Variants in SLC71A2 observed in about 807,000 individuals in gnomAD.
The protein encoded by SLC71A2 is solute carrier family 71 member 2, also known as hippocampus abundant transcript-like 1.
the SLC71A2 span, chr9:94,459,573 T>C: frequency 4.8e-5 from 2 of 41,878 alleles, no homozygotes; most frequent in Non-Finnish European, 6.7e-5. Flanking sequence ...CCTCCTCCTG[T>C]TTTTTTTTTT....
At chr9:94,402,058 G>C in the SLC71A2 span, among the ~76,000 whole-genome samples, 1 of 152,156 alleles carries the variant, frequency 6.6e-6, no homozygotes, top group Non-Finnish European at 1.5e-5. Context: ...TCTCATTTCT[G>C]TCTTGTTTTT....
chr9:94,454,991 A>G, the SLC71A2 span, among the ~76,000 whole-genome samples: 1 of 152,052 alleles, frequency 6.6e-6, no homozygotes, highest in South Asian at 2.1e-4. Flanking sequence ...AGATGCAGAA[A>G]TGCCTTCTCC....
At chr9:94,408,472 G>T in the SLC71A2 span, among the ~76,000 whole-genome samples, 2 of 152,282 alleles carry the variant, frequency 1.3e-5, no homozygotes, top group African/African-American at 2.4e-5. Flanking sequence ...TTGGGAAGAG[G>T]TTTAATTCTT....
At chr9:94,382,645 A>G in the SLC71A2 span, among the ~76,000 whole-genome samples, 1 of 151,906 alleles carries the variant, frequency 6.6e-6, no homozygotes, top group Non-Finnish European at 1.5e-5. Flanking sequence ...CCCAAATCAT[A>G]GGAATTTCCT....
the SLC71A2 span, chr9:94,458,232 G>A: frequency 8.7e-7 from 1 of 1,144,398 alleles, no homozygotes; most frequent in South Asian, 1.6e-5. Context: ...CCGAATTAGT[G>A]TATCATGGTT....
the SLC71A2 span, among the ~76,000 whole-genome samples, chr9:94,445,788 CA>C: frequency 6.6e-6 from 1 of 151,948 alleles, no homozygotes; most frequent in Non-Finnish European, 1.5e-5. Flanking sequence ...AGTTTGTAGA[CA>C]AAAAAAGAAC....
At chr9:94,375,438 C>G in the SLC71A2 span, among the ~76,000 whole-genome samples, 1 of 151,496 alleles carries the variant, frequency 6.6e-6, no homozygotes, top group Non-Finnish European at 1.5e-5. Flanking sequence ...AGGCTGGCCT[C>G]TTTCTCCAGT....
At chr9:94,414,947 C>T in the SLC71A2 span, among the ~76,000 whole-genome samples, 2 of 152,138 alleles carry the variant, frequency 1.3e-5, no homozygotes, top group Non-Finnish European at 1.5e-5. Context: ...CTTGAGCCAC[C>T]ACACCCAACC....
At chr9:94,376,440 C>A in the SLC71A2 span, among the ~76,000 whole-genome samples, 2 of 152,020 alleles carry the variant, frequency 1.3e-5, no homozygotes, top group Non-Finnish European at 2.9e-5. Context: ...CCACCTTGCA[C>A]GTGGCTGAGT....
chr9:94,452,671 A>C, the SLC71A2 span, among the ~76,000 whole-genome samples: 1 of 54,100 alleles, frequency 1.8e-5, no homozygotes, highest in Non-Finnish European at 3.5e-5. Context: ...ATATATTCAT[A>C]TATATTCATA....
chr9:94,431,519 T>C, the SLC71A2 span, among the ~76,000 whole-genome samples: 15 of 151,744 alleles, frequency 9.9e-5, no homozygotes, highest in African/African-American at 3.6e-4. Flanking sequence ...TTGGGTACTT[T>C]TTTTTTTATA....
chr9:94,453,220 G>C, the SLC71A2 span, among the ~76,000 whole-genome samples: 2 of 148,736 alleles, frequency 1.3e-5, no homozygotes, highest in Non-Finnish European at 3.0e-5. Flanking sequence ...TATGATTTCG[G>C]CTCACTGCAA....
chr9:94,414,644 G>A, the SLC71A2 span, among the ~76,000 whole-genome samples: 2 of 152,088 alleles, frequency 1.3e-5, no homozygotes, highest in South Asian at 2.1e-4. Context: ...GCGTCGATGG[G>A]ATAGATCGAA....
At chr9:94,451,130 C>CA in the SLC71A2 span, among the ~76,000 whole-genome samples, 183 of 152,290 alleles carry the variant, frequency 1.2e-3, no homozygotes, top group Admixed American at 0.011. Context: ...CATCAAAAGT[C>CA]AGTCATTTTG....
the SLC71A2 span, chr9:94,447,071 G>T: frequency 1.8e-6 from 1 of 548,466 alleles, no homozygotes; most frequent in Non-Finnish European, 3.3e-6. Flanking sequence ...GTAGGTGCTG[G>T]CATATAATTA....
chr9:94,419,606 T>C, the SLC71A2 span, among the ~76,000 whole-genome samples: 1 of 152,062 alleles, frequency 6.6e-6, no homozygotes, highest in Non-Finnish European at 1.5e-5. Context: ...CACCCGGCCT[T>C]TTGTTTTTAT....
the SLC71A2 span, among the ~76,000 whole-genome samples, chr9:94,457,335 T>C: frequency 2.6e-5 from 4 of 152,310 alleles, no homozygotes; most frequent in African/African-American, 4.8e-5. Context: ...GCTCACCTTA[T>C]TGTATTCAGG....
At chr9:94,390,382 GTTGAA>G in the SLC71A2 span, among the ~76,000 whole-genome samples, 1 of 149,822 alleles carries the variant, frequency 6.7e-6, no homozygotes, top group Non-Finnish European at 1.5e-5. Context: ...CTTTTCATAT[GTTGAA>G]TTGAAGGTGT....
the SLC71A2 span, among the ~76,000 whole-genome samples, chr9:94,424,560 T>G: frequency 6.6e-6 from 1 of 151,908 alleles, no homozygotes; most frequent in Non-Finnish European, 1.5e-5. Context: ...AATTCCTTAG[T>G]GTGGTTCATT....
Sources: gnomAD v4.1 joint callset for allele counts (sites outside exome capture counted in the v4.1 genomes callset) on GRCh38, gnomAD v4.1.1 for gene constraint, MANE v1.5 for transcripts, NCBI Gene and HGNC (gene_info 2026-07-23, HGNC 2026-07-21) for gene names.